The following TTC34 variants were observed in gnomAD, a reference collection of about 807,000 sequenced individuals.
The protein encoded by TTC34 is tetratricopeptide repeat protein 34.
A neutral mutation model predicts 40.7 loss-of-function variants in TTC34; 44 were observed. That is an observed-to-expected ratio of 1.08 (90% CI 0.85 to 1.39). The LOEUF is 1.39. Ranked by LOEUF, TTC34 falls within the 40% of genes most tolerant of loss-of-function variation. The pLI, the probability that TTC34 is intolerant of heterozygous loss-of-function variation, is 0.00. For missense variants in TTC34, 884 were observed against 838.0 expected, an observed-to-expected ratio of 1.05 and a Z score of -0.68; for synonymous variants, 422 against 398.6, an observed-to-expected ratio of 1.06 and a Z score of -0.70.
At chr1:2,648,056 T>C (rs553930415) in intron 6 of TTC34, among the ~76,000 whole-genome samples, 1 of 152,246 alleles carries the variant, frequency 6.6e-6, no homozygotes, top group African/African-American at 2.4e-5. Flanking sequence ...AGCTCACTCA[T>C]TCTAGCAAAC....
intron 5 of TTC34, among the ~76,000 whole-genome samples, chr1:2,784,971 ACTCTGGGCCGCTCTGGGCTG>A (rs1212463036): frequency 8.2e-4 from 41 of 49,756 alleles, no homozygotes; most frequent in African/African-American, 3.4e-3. Flanking sequence ...GCTCTGGGCC[ACTCTGGGCCGCTCTGGGCTG>A]CTCTGGGCCG....
Position 2,687,875 on chromosome 1 carries a change from C to T in TTC34, c.2227-42312G>A, listed in dbSNP as rs1395144040. Among the ~76,000 whole-genome samples, 4 of 151,474 alleles carry T rather than the reference C, an allele frequency of 2.6e-5. No homozygotes were observed. The East Asian group carries it at 7.8e-4, about 30-fold the overall frequency. On this transcript the variant is annotated intron_variant, in intron 6 of 8. Coordinates refer to ENST00000401095, the Ensembl canonical transcript of TTC34. ...CAGTTGAGCATCTGACAGCCTGGAA[C>T]AGAACCCACATCCCCAGGTGAGCAT...
intron 6 of TTC34, among the ~76,000 whole-genome samples, chr1:2,764,156 C>G (rs1641720485): frequency 6.8e-6 from 1 of 147,640 alleles, no homozygotes; most frequent in Non-Finnish European, 1.5e-5. Flanking sequence ...AGGTGAGAAT[C>G]TGACGCATAA....
intron 6 of TTC34, among the ~76,000 whole-genome samples, chr1:2,781,489 CT>C (rs1287493758): frequency 6.6e-6 from 1 of 152,118 alleles, no homozygotes; most frequent in African/African-American, 2.4e-5. Context: ...GATAATTTTA[CT>C]TCTTTCAAAT....
chr1:2,753,628 G>T (rs1641400983), intron 6 of TTC34, among the ~76,000 whole-genome samples: 1 of 103,214 alleles, frequency 9.7e-6, no homozygotes, highest in Non-Finnish European at 1.8e-5. Flanking sequence ...CCACAGGTGA[G>T]CTTCTGACAG....
At chr1:2,687,567 C>T (rs541070557) in intron 6 of TTC34, among the ~76,000 whole-genome samples, 11 of 146,010 alleles carry the variant, frequency 7.5e-5, no homozygotes, top group East Asian at 6.0e-4. Flanking sequence ...CACGCTGCAC[C>T]GCCAGGTGAC....
chr1:2,769,510 C>G (rs1432916944), intron 6 of TTC34, among the ~76,000 whole-genome samples: 1 of 110,946 alleles, frequency 9.0e-6, no homozygotes, highest in Non-Finnish European at 1.8e-5. Flanking sequence ...ACCCCACACC[C>G]CCAGTGAGCA....
chr1:2,769,672 C>G (rs1159065671), intron 6 of TTC34, among the ~76,000 whole-genome samples: 1 of 145,868 alleles, frequency 6.9e-6, no homozygotes, highest in East Asian at 2.0e-4. Context: ...CACCCTACAC[C>G]CCCAGGGGAG....
chr1:2,645,587 G>GGCC lies in TTC34; in HGVS notation c.2227-25_2227-24insGGC. Reference sequence around the variant, plus strand: ...TCCTGCAAGGAGGGAGGGCGGGCGGGTGCAGAGTTGTCCTAAGTAGAGAAA... The same window carrying GGCC: ...TCCTGCAAGGAGGGAGGGCGGGCGGGGCCTGCAGAGTTGTCCTAAGTAGAGAAA... On this transcript the variant is annotated intron_variant, in intron 6 of 8. Coordinates refer to ENST00000401095, the Ensembl canonical transcript of TTC34. This position sits in a 1 kb window ranked among gnomAD's most constrained non-coding sequence, Gnocchi z 4.7. 3 of 229,532 alleles carry GGCC rather than the reference G, an allele frequency of 1.3e-5. No individual in the cohort carries two copies. The highest frequency in any genetic ancestry group is 2.6e-5 in the Non-Finnish European group (3 of 116,456). The allele number at this position is 229,532 out of a possible 1,614,324, so 14.2% of individuals were successfully genotyped here.
intron 6 of TTC34, among the ~76,000 whole-genome samples, chr1:2,649,616 C>G (rs1639086581): frequency 2.0e-5 from 3 of 152,186 alleles, no homozygotes; most frequent in Admixed American, 2.0e-4. Flanking sequence ...TCTTGGCTCA[C>G]TGCAACCACC....
At chr1:2,687,807 C>A (rs1301985468) in intron 6 of TTC34, among the ~76,000 whole-genome samples, 1 of 149,838 alleles carries the variant, frequency 6.7e-6, no homozygotes, top group Non-Finnish European at 1.5e-5. Flanking sequence ...GCACCCACAC[C>A]TCCAGGTGAG....
At chr1:2,651,521 T>C (rs935162017) in intron 6 of TTC34, among the ~76,000 whole-genome samples, 1 of 146,338 alleles carries the variant, frequency 6.8e-6, no homozygotes, top group Non-Finnish European at 1.5e-5. Flanking sequence ...CCACCACACT[T>C]AGGTGAGAAT....
At chr1:2,649,783 G>A (rs1490323109) in intron 6 of TTC34, among the ~76,000 whole-genome samples, 1 of 152,018 alleles carries the variant, frequency 6.6e-6, no homozygotes, top group East Asian at 1.9e-4. Flanking sequence ...CAAAGTGCTG[G>A]GATTACAAGC....
At chr1:2,789,984 G>C in exon 3 of TTC34, 1 of 392,864 alleles carries the variant, frequency 2.5e-6, no homozygotes, top group East Asian at 3.6e-5. Flanking sequence ...TCCCCTGCCA[G>C]CAGCAGGCAC....
chr1:2,687,287 A>C (rs1157525513), intron 6 of TTC34, among the ~76,000 whole-genome samples: 561 of 82,514 alleles, frequency 6.8e-3, no homozygotes, highest in Admixed American at 9.7e-3. Flanking sequence ...ACCCACAACC[A>C]CAGGTGAGCA....
chr1:2,758,182 C>T (rs1483866717), intron 6 of TTC34, among the ~76,000 whole-genome samples: 865 of 109,854 alleles, frequency 7.9e-3, no homozygotes, highest in Non-Finnish European at 0.012. Flanking sequence ...CAGCCTGGAA[C>T]AGCACCCTGC....
intron 6 of TTC34, among the ~76,000 whole-genome samples, chr1:2,652,523 A>AC (rs1639181835): frequency 1.8e-4 from 1 of 5,694 alleles, no homozygotes. Context: ...CAGCACCCAC[A>AC]CCTCCAGGCG....
At chr1:2,759,811 C>T (rs2100458458) in intron 6 of TTC34, among the ~76,000 whole-genome samples, 8 of 148,526 alleles carry the variant, frequency 5.4e-5, no homozygotes, top group Non-Finnish European at 1.0e-4. Context: ...CCCAGGCGAG[C>T]ATCTGACATC....
exon 9 of TTC34, chr1:2,638,012 G>C (rs565067331): frequency 3.0e-4 from 46 of 152,302 alleles, no homozygotes; most frequent in African/African-American, 1.1e-3. Flanking sequence ...CCTTCCAGGG[G>C]AAGCAGCTTG....
Sources: gnomAD v4.1 joint callset for allele counts (sites outside exome capture counted in the v4.1 genomes callset) on GRCh38, gnomAD v4.1.1 for gene constraint, Gnocchi (gnomAD v3.1) non-coding constraint, MANE v1.5 for transcripts, NCBI Gene and HGNC (gene_info 2026-07-23, HGNC 2026-07-21) for gene names.